The following CCDC92B variants were observed in gnomAD, a reference collection of about 807,000 sequenced individuals.
CCDC92B encodes the protein coiled-coil domain containing 92B.
In CCDC92B, 2 loss-of-function variants were observed where a neutral mutation model predicts 5.6. The observed-to-expected ratio is 0.36, with a 90% CI of 0.15 to 1.12. The LOEUF (loss-of-function observed/expected upper bound fraction) is 1.12, where lower values mean the gene tolerates loss of function less well. Among genes scored for constraint, CCDC92B ranks in the 50% most tolerant of loss-of-function variants. The probability of loss-of-function intolerance (pLI) is 0.40; values close to 1 mark genes in which losing one functional copy is unlikely to be tolerated. For missense variants in CCDC92B, 271 were observed against 262.2 expected (o/e 1.03, Z -0.23); for synonymous variants, 115 against 122.3 (o/e 0.94, Z 0.39).
intron 2 of CCDC92B, among the ~76,000 whole-genome samples, chr17:2,733,512 G>A (rs1167929386): frequency 2.0e-5 from 3 of 152,114 alleles, no homozygotes; most frequent in Non-Finnish European, 4.4e-5. Flanking sequence ...GCCCGCCTCA[G>A]CCTCCCAAAG....
intron 3 of CCDC92B, among the ~76,000 whole-genome samples, chr17:2,726,702 C>A (rs1348260308): frequency 1.3e-5 from 2 of 151,254 alleles, no homozygotes; most frequent in Non-Finnish European, 2.9e-5. Context: ...CACCCTCTGC[C>A]TCCTGGGTTC....
intron 3 of CCDC92B, among the ~76,000 whole-genome samples, chr17:2,726,755 A>G (rs1421904769): frequency 6.6e-6 from 1 of 151,904 alleles, no homozygotes; most frequent in Non-Finnish European, 1.5e-5. Context: ...CTGGGATTAC[A>G]GGCACCCGCT....
intron 1 of CCDC92B, among the ~76,000 whole-genome samples, chr17:2,736,652 C>T (rs1002650292): frequency 3.3e-5 from 5 of 151,438 alleles, no homozygotes; most frequent in East Asian, 3.9e-4. Context: ...AGGCCAAGGT[C>T]GGCGGATCAC....
chr17:2,749,098 C>G (rs1209214455), intron 1 of CCDC92B, among the ~76,000 whole-genome samples: 1 of 152,102 alleles, frequency 6.6e-6, no homozygotes, highest in East Asian at 1.9e-4. Flanking sequence ...GATGTGGAGA[C>G]TAAGGAGGAC....
At chr17:2,737,840 T>G (rs1191287438) in intron 1 of CCDC92B, among the ~76,000 whole-genome samples, 1 of 151,896 alleles carries the variant, frequency 6.6e-6, no homozygotes, top group Non-Finnish European at 1.5e-5. Context: ...GCTGGCTACA[T>G]GTGCTGACCA....
chr17:2,727,014 C>T (rs969285441), intron 3 of CCDC92B, among the ~76,000 whole-genome samples: 2 of 151,424 alleles, frequency 1.3e-5, no homozygotes, highest in Non-Finnish European at 2.9e-5. Flanking sequence ...GAGTAATTCT[C>T]CCACCTCAGC....
Position 2,733,326 on chromosome 17 carries a change from C to G in CCDC92B, c.130+1690G>C, listed in dbSNP as rs1435632208. ...CCAGGCTGGAGTGCAATGGCATGAT[C>G]TCGGCTCACCGCAACCTCCGCCTCC... is the stretch of plus-strand genomic sequence containing the variant. On this transcript the variant is annotated intron_variant, in intron 2 of 3. Coordinates refer to ENST00000614400, the MANE Select transcript of CCDC92B (RefSeq NM_001355573.2). 2.7e-5 allele frequency among the ~76,000 whole-genome samples: 4 copies of G among 147,508 alleles called. No homozygotes were observed. In the East Asian group the frequency reaches 8.2e-4, roughly 30 times the overall value.
chr17:2,734,448 A>T (rs1420996362), intron 2 of CCDC92B, among the ~76,000 whole-genome samples: 1 of 149,972 alleles, frequency 6.7e-6, no homozygotes, highest in Non-Finnish European at 1.5e-5. Context: ...AAGGATGGGA[A>T]CCTCCAGGAT....
rs926823757 is a variant in CCDC92B, at chr17:2,722,838, C to G, written c.*1573G>C. On this transcript the variant is annotated 3_prime_UTR_variant, in exon 4 of 4. Transcript: ENST00000614400. ...CCTCACAGGCACTTAGGACTTGATGCAGGACCCACACAGGAGGGATGGCAC... is the reference window on the plus strand; with the variant it reads ...CCTCACAGGCACTTAGGACTTGATGGAGGACCCACACAGGAGGGATGGCAC... The G allele has an allele frequency of 1.3e-5, 2 of 152,536 alleles. No individual in the cohort carries two copies. Among genetic ancestry groups the G allele is most frequent in the Non-Finnish European group, 2.9e-5 (2 of 68,284 alleles). 9.4% of individuals were successfully genotyped at this position (152,536 alleles called of 1,614,324 possible).
chr17:2,727,472 C>G (rs1425053900), intron 3 of CCDC92B, among the ~76,000 whole-genome samples: 4 of 151,832 alleles, frequency 2.6e-5, no homozygotes, highest in African/African-American at 9.7e-5. Context: ...AGTGTAGGGA[C>G]GTAGGCAGCC....
At chr17:2,729,468 TG>T (rs1229158874) in intron 3 of CCDC92B, among the ~76,000 whole-genome samples, 1 of 122,540 alleles carries the variant, frequency 8.2e-6, no homozygotes, top group African/African-American at 3.2e-5. Context: ...CACTCCAGCC[TG>T]GGCGACAAGA....
Position 2,724,433 on chromosome 17 carries a change from C to T in CCDC92B, c.746G>A (p.Ser249Asn). 1.0e-6 allele frequency: 1 copy of T among 983,982 alleles called. No individual in the cohort carries two copies. The allele number at this position is 983,982 out of a possible 1,614,324, so 61.0% of individuals were successfully genotyped here. A position where few individuals can be genotyped will look rare whatever the true frequency, so the allele number is the denominator to read the frequency against. Residue 249 changes from serine (S) to asparagine (N), a missense_variant, in exon 4 of 4, where the codon AGC becomes AAC. Ser to Asn is a conservative substitution (Grantham distance 46, BLOSUM62 1). Transcript: ENST00000614400. The surrounding 1 kb of genome is among the most constrained non-coding windows in gnomAD (Gnocchi z 5.0). ...CGCCTACTCCGGGTCCCCGGGCGCGCTGGGCTGGCTGGGCGCGGGCTGCGG... is the reference window on the plus strand; with the variant it reads ...CGCCTACTCCGGGTCCCCGGGCGCGTTGGGCTGGCTGGGCGCGGGCTGCGG... Reference protein sequence around the residue: ...AGPQPAPSQPSAPGDPE With the variant: ...AGPQPAPSQPNAPGDPE
intron 3 of CCDC92B, among the ~76,000 whole-genome samples, chr17:2,729,545 C>T (rs1050489465): frequency 6.7e-6 from 1 of 150,344 alleles, no homozygotes; most frequent in Non-Finnish European, 1.5e-5. Flanking sequence ...AGGTAACGTG[C>T]GTTATACTTC....
intron 2 of CCDC92B, among the ~76,000 whole-genome samples, chr17:2,732,037 C>T (rs1195944311): frequency 6.6e-6 from 1 of 152,222 alleles, no homozygotes; most frequent in Admixed American, 6.5e-5. Context: ...AATGGGGGCA[C>T]AATAGCACCT....
intron 3 of CCDC92B, among the ~76,000 whole-genome samples, chr17:2,729,251 A>C (rs2070768828): frequency 6.6e-6 from 1 of 152,084 alleles, no homozygotes; most frequent in Non-Finnish European, 1.5e-5. Flanking sequence ...AGCACTTTGC[A>C]AGGCTGAGGC....
At position 2,726,472 on chromosome 17, in the gene CCDC92B, G is replaced by A. The variant is rs866177511; in HGVS notation, c.179-1472C>T. 7.4e-4 allele frequency among the ~76,000 whole-genome samples: 112 copies of A among 151,350 alleles called. No homozygotes were observed. In the Middle Eastern group the frequency reaches 0.014, roughly 18 times the overall value. ...GCTGGGATTACAGGCATGAGCCACC[G>A]CGCCCGGCTAATTTTTGTATTTTTA... On this transcript the variant is annotated intron_variant, in intron 3 of 3. Coordinates refer to ENST00000614400, the MANE Select transcript of CCDC92B (RefSeq NM_001355573.2).
intron 2 of CCDC92B, among the ~76,000 whole-genome samples, chr17:2,732,296 T>C (rs2070802311): frequency 6.6e-6 from 1 of 152,166 alleles, no homozygotes; most frequent in African/African-American, 2.4e-5. Context: ...TCTGGGTCCC[T>C]CTTTAATCTC....
At chr17:2,737,437 C>G (rs1327630265) in intron 1 of CCDC92B, among the ~76,000 whole-genome samples, 1 of 151,178 alleles carries the variant, frequency 6.6e-6, no homozygotes, top group Non-Finnish European at 1.5e-5. Flanking sequence ...ACTCCCCTGA[C>G]CCCCCTAATC....
chr17:2,729,844 T>C (rs2070774231), intron 3 of CCDC92B, among the ~76,000 whole-genome samples: 1 of 152,190 alleles, frequency 6.6e-6, no homozygotes, highest in Non-Finnish European at 1.5e-5. Context: ...ATTTCTACAA[T>C]GGCAAGAAGT....
Sources: allele counts gnomAD v4.1 joint callset (sites outside exome capture counted in the v4.1 genomes callset), GRCh38; gene constraint gnomAD v4.1.1; non-coding constraint Gnocchi (gnomAD v3.1); transcripts MANE v1.5; gene names NCBI Gene and HGNC (gene_info 2026-07-23, HGNC 2026-07-21).